UQCC1: variants seen among roughly 807,000 people sequenced by gnomAD.
UQCC1 encodes the protein bFGF-repressed Zic-binding protein.
Under a neutral mutation model 48.0 loss-of-function variants are expected in UQCC1, and 38 were observed. The ratio of observed to expected loss-of-function variants is 0.79; its 90% CI spans 0.61 to 1.04. The LOEUF is 1.04. Ranked by LOEUF, UQCC1 falls within the 50% of genes least tolerant of loss-of-function variation. UQCC1 has a pLI of 0.00. For missense variants in UQCC1, 368 were observed against 381.8 expected (o/e 0.96, Z 0.30); for synonymous variants, 111 against 129.2 (o/e 0.86, Z 0.95).
intron 1 of UQCC1, among the ~76,000 whole-genome samples, chr20:35,403,928 G>A (rs2062206990): frequency 6.6e-6 from 1 of 152,082 alleles, no homozygotes; most frequent in African/African-American, 2.4e-5. Flanking sequence ...GGGGGAGCGG[G>A]GAGGGATAGC....
At chr20:35,314,111 C>T (rs371928902) in intron 8 of UQCC1, among the ~76,000 whole-genome samples, 2 of 151,958 alleles carry the variant, frequency 1.3e-5, no homozygotes, top group South Asian at 4.2e-4. Context: ...ATTACAGGCA[C>T]CCACCACCAT....
chr20:35,331,071 C>G (rs1056587319), intron 7 of UQCC1, among the ~76,000 whole-genome samples: 7 of 152,030 alleles, frequency 4.6e-5, no homozygotes, highest in Non-Finnish European at 1.0e-4. Flanking sequence ...CCAAAGACAA[C>G]AAGGTTCATT....
At chr20:35,324,104 T>C (rs2061162439) in intron 7 of UQCC1, among the ~76,000 whole-genome samples, 1 of 152,102 alleles carries the variant, frequency 6.6e-6, no homozygotes, top group Admixed American at 6.5e-5. Flanking sequence ...AATAAATAAA[T>C]AAAATAGTAA....
intron 7 of UQCC1, among the ~76,000 whole-genome samples, chr20:35,329,687 C>G (rs1006925487): frequency 6.6e-6 from 1 of 152,220 alleles, no homozygotes; most frequent in African/African-American, 2.4e-5. Context: ...GCCTCCAGAA[C>G]TTTTTTACAT....
At chr20:35,373,651 C>T (rs1322851716) in intron 5 of UQCC1, among the ~76,000 whole-genome samples, 2 of 144,000 alleles carry the variant, frequency 1.4e-5, no homozygotes, top group Non-Finnish European at 3.0e-5. Flanking sequence ...CGTACCACTG[C>T]ACTCCGGCCT....
At position 35,310,265 on chromosome 20, in the gene UQCC1, G is replaced by C. The variant is rs752263042; in HGVS notation, c.652-3486C>G. 1.4e-3 allele frequency among the ~76,000 whole-genome samples: 214 copies of C among 152,304 alleles called. 2 individuals are homozygous for C. Among genetic ancestry groups the C allele is most frequent in the Non-Finnish European group, 2.0e-3 (139 of 68,024 alleles). On this transcript the variant is annotated intron_variant, in intron 8 of 9. Transcript: ENST00000374385. ...CTACCTGTTAAATGGATAATGAATA[G>C]ATGGATGGGTGTGGAAATTCACAGT... is the stretch of plus-strand genomic sequence containing the variant.
At chr20:35,392,221 C>T in intron 2 of UQCC1, 2 of 1,303,760 alleles carry the variant, frequency 1.5e-6, no homozygotes, top group Non-Finnish European at 2.0e-6. Flanking sequence ...ATCTTCCTCC[C>T]TGTGAGACAT....
At chr20:35,323,377 G>A (rs1336603527) in intron 7 of UQCC1, among the ~76,000 whole-genome samples, 1 of 152,144 alleles carries the variant, frequency 6.6e-6, no homozygotes, top group African/African-American at 2.4e-5. Context: ...AAAATAACAG[G>A]ATGAAGCAAG....
intron 2 of UQCC1, chr20:35,386,373 AT>A (rs1015625731): frequency 8.0e-5 from 36 of 452,538 alleles, no homozygotes; most frequent in African/African-American, 4.4e-4. Flanking sequence ...AATGAAAATG[AT>A]TTTTTTTCTT....
At chr20:35,322,626 C>A (rs923238332) in intron 7 of UQCC1, among the ~76,000 whole-genome samples, 11 of 152,024 alleles carry the variant, frequency 7.2e-5, no homozygotes, top group African/African-American at 2.4e-4. Flanking sequence ...CCCAGCTACT[C>A]AGGAGGCTGA....
intron 1 of UQCC1, among the ~76,000 whole-genome samples, chr20:35,405,547 C>T (rs937389560): frequency 6.6e-6 from 1 of 152,212 alleles, no homozygotes; most frequent in Non-Finnish European, 1.5e-5. Context: ...AGATTTTTAA[C>T]TATTTCAAAT....
intron 7 of UQCC1, among the ~76,000 whole-genome samples, chr20:35,336,488 A>G (rs2061317893): frequency 6.6e-6 from 1 of 152,204 alleles, no homozygotes; most frequent in Non-Finnish European, 1.5e-5. Context: ...CAGATAGAAG[A>G]AAAGGCAACA....
intron 1 of UQCC1, among the ~76,000 whole-genome samples, chr20:35,408,826 G>T (rs2062291802): frequency 6.6e-6 from 1 of 151,486 alleles, no homozygotes; most frequent in South Asian, 2.1e-4. Flanking sequence ...CTACACTTCA[G>T]CACGCATGAC....
chr20:35,369,974 T>A (rs2061711401), intron 5 of UQCC1, among the ~76,000 whole-genome samples: 1 of 152,154 alleles, frequency 6.6e-6, no homozygotes, highest in South Asian at 2.1e-4. Flanking sequence ...CAACAGGAGC[T>A]CTACTGATTG....
At chr20:35,339,764 G>A (rs2061357566) in intron 7 of UQCC1, among the ~76,000 whole-genome samples, 1 of 152,064 alleles carries the variant, frequency 6.6e-6, no homozygotes, top group South Asian at 2.1e-4. Flanking sequence ...ACTTCAAATG[G>A]TTCAGCAAAA....
chr20:35,362,006 T>C (rs1045370718), intron 6 of UQCC1, among the ~76,000 whole-genome samples: 3 of 152,210 alleles, frequency 2.0e-5, no homozygotes, highest in African/African-American at 4.8e-5. Flanking sequence ...TAGTGCTCCA[T>C]GACAATTTGA....
chr20:35,303,671 G>C lies in UQCC1; in HGVS notation c.*264C>G, dbSNP rs2060895154. 1 of 487,674 alleles carries C rather than the reference G, an allele frequency of 2.1e-6. No individual in the cohort carries two copies. Among genetic ancestry groups the C allele is most frequent in the Admixed American group, 3.3e-5 (1 of 30,756 alleles). 30.2% of individuals were successfully genotyped at this position (487,674 alleles called of 1,614,324 possible). A position where few individuals can be genotyped will look rare whatever the true frequency, so the allele number is the denominator to read the frequency against. On this transcript the variant is annotated 3_prime_UTR_variant, in exon 10 of 10. Coordinates refer to ENST00000374385, the MANE Select transcript of UQCC1 (RefSeq NM_018244.5). ...TAGTTGCTGGAGGGGGTTGGGGAGT[G>C]TGTGCTGGGGGACTCTCACTCGGGG... is the stretch of plus-strand genomic sequence containing the variant.
At chr20:35,381,439 G>A (rs144574799) in intron 4 of UQCC1, among the ~76,000 whole-genome samples, 6 of 152,286 alleles carry the variant, frequency 3.9e-5, no homozygotes, top group Non-Finnish European at 8.8e-5. Context: ...ACTATGAGAT[G>A]CTTCTAAGGA....
chr20:35,385,638 A>C (rs979825269), intron 2 of UQCC1, among the ~76,000 whole-genome samples: 2 of 152,058 alleles, frequency 1.3e-5, no homozygotes, highest in Non-Finnish European at 2.9e-5. Flanking sequence ...AGTTGCTGGG[A>C]CTACAGGCAT....
Sources: allele counts gnomAD v4.1 joint callset (sites outside exome capture counted in the v4.1 genomes callset), GRCh38; gene constraint gnomAD v4.1.1; transcripts MANE v1.5; gene names NCBI Gene and HGNC (gene_info 2026-07-23, HGNC 2026-07-21).